Variants in NOP53 observed in about 807,000 individuals in gnomAD.
NOP53 encodes ribosome biogenesis protein NOP53.
A neutral mutation model predicts 61.0 loss-of-function variants in NOP53; 40 were observed. That is an observed-to-expected ratio of 0.66 (90% CI 0.51 to 0.85). The LOEUF is 0.85. Ranked by LOEUF, NOP53 falls within the 40% of genes least tolerant of loss-of-function variation. The pLI is 0.00. For missense variants in NOP53, 689 were observed against 652.9 expected (o/e 1.06, Z -0.60); for synonymous variants, 308 against 289.5 (o/e 1.06, Z -0.65).
intron 2 of NOP53, 96 bp downstream of exon 2, chr19:47,747,127 G>A: frequency 2.1e-6 from 2 of 972,078 alleles, no homozygotes; most frequent in Non-Finnish European, 3.1e-6. Flanking sequence ...TGGCTTGGAA[G>A]GCAAATATCT....
At position 47,755,820 on chromosome 19, in the gene NOP53, A is replaced by G. The variant is rs1440903637; in HGVS notation, c.1294A>G (p.Lys432Glu). 3.1e-6 allele frequency: 5 copies of G among 1,607,648 alleles called. No homozygotes were observed. Among genetic ancestry groups the G allele is most frequent in the Non-Finnish European group, 2.5e-6 (3 of 1,176,932 alleles). The change falls in exon 10 of 13, where the codon AAG becomes GAG. Residue 432 changes from lysine (K) to glutamate (E), a missense_variant and splice_region_variant. By Grantham distance (56) the Lys-to-Glu change is moderately conservative. Transcript: ENST00000246802. ...GCTGACAGACTCGCTCAGGACCCTG[A>G]AGGTGCTCACTGTGTCCTGCCGTGG... ...SELTDSLRTL[K>E]PEGNILRDRF... is the part of the protein sequence containing the mutation.
intron 10 of NOP53, chr19:47,756,201 G>A (rs1411942822): frequency 1.7e-5 from 9 of 518,996 alleles, no homozygotes; most frequent in Admixed American, 6.5e-5. Flanking sequence ...GGGCCGACCC[G>A]GCCGTGGGGC....
In NOP53 at chr19:47,751,591, G is replaced by C; in HGVS notation, c.669+1G>C. ...GCAGACCAAGAAGAAAGGAGTGAAGGTGAGATGTGTGGGAAGGGCATCCTG... is the reference window on the plus strand; with the variant it reads ...GCAGACCAAGAAGAAAGGAGTGAAGCTGAGATGTGTGGGAAGGGCATCCTG... On this transcript the variant is annotated splice_donor_variant, in intron 5 of 12. Transcript: ENST00000246802. LOFTEE classifies it high-confidence loss of function. 6.2e-7 allele frequency: 1 copy of C among 1,613,000 alleles called. No individual in the cohort carries two copies. Among genetic ancestry groups the C allele is most frequent in the South Asian group, 1.1e-5 (1 of 91,056 alleles).
At position 47,745,740 on chromosome 19, in the gene NOP53, G is replaced by T. The variant is rs746939560; in HGVS notation, c.181G>T (p.Asp61Tyr). 2 of 1,603,664 alleles carry T rather than the reference G, an allele frequency of 1.2e-6. No homozygotes were observed. Among genetic ancestry groups the T allele is most frequent in the Non-Finnish European group, 8.5e-7 (1 of 1,174,898 alleles). ...TCAGGAGCCGCTGGGGCTGGAGGTT[G>T]ACCAGTTCCTGGAAGACGTGCGGCT... ...LAQEPLGLEV[D>Y]QFLEDVRLQE... The change falls in exon 1 of 13, where the codon GAC (aspartate) becomes TAC (tyrosine). Residue 61 changes from aspartate to tyrosine, a missense_variant. By Grantham distance (160) the Asp-to-Tyr change is radical (BLOSUM62 -3). Transcript: ENST00000246802.
chr19:47,745,878 G>A (rs1967056584), intron 1 of NOP53, 95 bp downstream of exon 1: 2 of 296,764 alleles, frequency 6.7e-6, no homozygotes, highest in African/African-American at 2.3e-5. Context: ...GTCGGGGGTC[G>A]GGGGTCGGGG....
chr19:47,746,371 C>CT (rs577180022), intron 1 of NOP53: 2,456 of 147,652 alleles, frequency 0.017, 30 homozygotes, highest in South Asian at 0.039. Flanking sequence ...TTTCTTTTTT[C>CT]TTTTTTTTTT....
In NOP53 at chr19:47,745,650, G is replaced by C. The variant is rs78530808; in HGVS notation, c.91G>C (p.Asp31His). 29,065 of 1,613,938 alleles carry C rather than the reference G, an allele frequency of 0.018. 374 individuals carry two copies. The highest frequency in any genetic ancestry group is 0.039 in the South Asian group (3,514 of 91,076). The change falls in exon 1 of 13, where the codon GAC (aspartate) becomes CAC (histidine). Residue 31 changes from aspartate to histidine, a missense_variant. By Grantham distance (81) the Asp-to-His change is moderately conservative. Coordinates refer to ENST00000246802, the MANE Select transcript of NOP53 (RefSeq NM_015710.5). ...GFLGLRPTSVDPALRRRRRGP... is the reference protein window; with the variant it reads ...GFLGLRPTSVHPALRRRRRGP... ...CCTGGGGCTGCGGCCCACTTCGGTG[G>C]ACCCAGCGCTGAGGCGGCGGCGGCG...
At position 47,750,172 on chromosome 19, in the gene NOP53, T is replaced by G. The variant is rs778335089; in HGVS notation, c.290-6T>G. 2 of 1,592,314 alleles carry G rather than the reference T, an allele frequency of 1.3e-6. No homozygotes were observed. The highest frequency in any genetic ancestry group is 1.7e-6 in the Non-Finnish European group (2 of 1,160,462). ...GGCCTTGACTTGTTCTCTTTCCCAT[T>G]CTTAGGGCTGACAAAGAAGAGAACC... On this transcript the variant is annotated splice_region_variant and splice_polypyrimidine_tract_variant and intron_variant, in intron 2 of 12. Coordinates refer to ENST00000246802, the MANE Select transcript of NOP53 (RefSeq NM_015710.5).
intron 2 of NOP53, among the ~76,000 whole-genome samples, chr19:47,749,847 C>T (rs1370140535): frequency 6.6e-6 from 1 of 152,074 alleles, no homozygotes; most frequent in Non-Finnish European, 1.5e-5. Flanking sequence ...TCCCAGAGTG[C>T]TGGGATTACA....
chr19:47,750,608 G>A (rs1049352740), intron 3 of NOP53, among the ~76,000 whole-genome samples: 5 of 152,166 alleles, frequency 3.3e-5, no homozygotes, highest in Admixed American at 3.3e-4. Flanking sequence ...CTGAGATGGG[G>A]ATGTGGAGGA....
At position 47,755,429 on chromosome 19, in the gene NOP53, G is replaced by C; in HGVS notation, c.1135G>C (p.Ala379Pro). ...FRLRGIKAQV[A>P]LRLAELARRQ... ...GCTGCGCGGGATCAAGGCCCAGGTGGCCCTGAGGCTGGCGGAGCTGGCGCG... is the reference window on the plus strand; with the variant it reads ...GCTGCGCGGGATCAAGGCCCAGGTGCCCCTGAGGCTGGCGGAGCTGGCGCG... The change falls in exon 9 of 13, where the codon GCC becomes CCC. Residue 379 changes from alanine to proline, a missense_variant. Coordinates refer to ENST00000246802, the MANE Select transcript of NOP53 (RefSeq NM_015710.5). 1 of 1,529,990 alleles carries C rather than the reference G, an allele frequency of 6.5e-7. No homozygotes were observed. Among genetic ancestry groups the C allele is most frequent in the Non-Finnish European group, 8.8e-7 (1 of 1,141,960 alleles). The allele number at this position is 1,529,990 out of a possible 1,614,324, so 94.8% of individuals were successfully genotyped here. A position where few individuals can be genotyped will look rare whatever the true frequency, so the allele number is the denominator to read the frequency against.
intron 1 of NOP53, chr19:47,746,174 GTGTGTATATA>G (rs1967062337): frequency 5.8e-6 from 1 of 172,034 alleles, no homozygotes; most frequent in African/African-American, 2.4e-5. Context: ...GTATATGTGT[GTGTGTATATA>G]TATGTATATA....
In NOP53 at chr19:47,750,155, CTTG is replaced by C; in HGVS notation, c.290-20_290-18del. 2 of 1,498,250 alleles carry C rather than the reference CTTG, an allele frequency of 1.3e-6. No individual in the cohort carries two copies. The highest frequency in any genetic ancestry group is 1.9e-6 in the Non-Finnish European group (2 of 1,074,862). 92.8% of individuals were successfully genotyped at this position (1,498,250 alleles called of 1,614,324 possible). A position where few individuals can be genotyped will look rare whatever the true frequency, so the allele number is the denominator to read the frequency against. On this transcript the variant is annotated intron_variant, in intron 2 of 12. Transcript: ENST00000246802. ...GCAGTGGGTAGGGCTGAGGCCTTGA[CTTG>C]TTCTCTTTCCCATTCTTAGGGCTGA...
intron 2 of NOP53, among the ~76,000 whole-genome samples, chr19:47,749,609 A>G (rs1412570100): frequency 7.3e-6 from 1 of 136,460 alleles, no homozygotes. Flanking sequence ...AGTAAAAACC[A>G]CAGGTATCTT....
chr19:47,751,476 C>G (rs368749381), intron 4 of NOP53, 44 bp from the exon 5 acceptor site: 6 of 1,504,194 alleles, frequency 4.0e-6, no homozygotes, highest in Non-Finnish European at 5.6e-6. Context: ...GGTGCCTCTT[C>G]CATGCTGGGA....
intron 6 of NOP53, chr19:47,753,720 C>T (rs1008583480): frequency 6.6e-6 from 1 of 152,166 alleles, no homozygotes; most frequent in African/African-American, 2.4e-5. Flanking sequence ...GGAGATCAGA[C>T]ATTCACTTTT....
At position 47,752,576 on chromosome 19, in the gene NOP53, C is replaced by A; in HGVS notation, c.734C>A (p.Ala245Asp). The A allele has an allele frequency of 1.9e-6, 3 of 1,610,756 alleles. No homozygotes were observed. Among genetic ancestry groups the A allele is most frequent in the South Asian group, 1.1e-5 (1 of 91,052 alleles). ...APAVEVAPAG[A>D]SYNPSFEDHQ... is the part of the protein sequence containing the mutation. ...GCCGTGGAGGTGGCGCCTGCCGGAG[C>A]TTCCTACAATCCATCCTTTGAAGAC... Residue 245 changes from alanine to aspartate, a missense_variant, in exon 6 of 13, where the codon GCT becomes GAT. Physicochemically the swap from Ala to Asp is moderately radical, Grantham distance 126. Transcript: ENST00000246802.
intron 5 of NOP53, 60 bp downstream of exon 5, chr19:47,751,650 T>C (rs1488568546): frequency 7.9e-7 from 1 of 1,265,730 alleles, no homozygotes; most frequent in Non-Finnish European, 1.2e-6. Context: ...CGGGAGCTGC[T>C]CTGTGTTCCT....
At chr19:47,751,406 C>T in intron 4 of NOP53, 114 bp from the exon 5 acceptor site, 1 of 804,158 alleles carries the variant, frequency 1.2e-6, no homozygotes, top group South Asian at 1.5e-5. Flanking sequence ...ATCAGTCCTT[C>T]CCTTGCCTGA....
Sources: allele counts gnomAD v4.1 joint callset (sites outside exome capture counted in the v4.1 genomes callset), GRCh38; gene constraint gnomAD v4.1.1; transcripts MANE v1.5; gene names NCBI Gene and HGNC (gene_info 2026-07-23, HGNC 2026-07-21).